The following N4BP2L2 variants were observed in gnomAD, a reference collection of about 807,000 sequenced individuals.
N4BP2L2 encodes NEDD4-binding protein 2-like 2.
Under a neutral mutation model 56.2 loss-of-function variants are expected in N4BP2L2, and 50 were observed. The observed-to-expected ratio is 0.89, with a 90% confidence interval of 0.71 to 1.13. The LOEUF is 1.13. Among genes scored for constraint, N4BP2L2 ranks in the 50% most tolerant of loss-of-function variants. The pLI, the probability that N4BP2L2 is intolerant of heterozygous loss-of-function variation, is 0.00. For synonymous variants in N4BP2L2, 203 were observed against 223.6 expected (o/e 0.91, Z 0.82); for missense variants, 689 against 693.8 (o/e 0.99, Z 0.08).
At chr13:32,437,021 C>T (rs1164554503) in intron 8 of N4BP2L2, among the ~76,000 whole-genome samples, 2 of 151,902 alleles carry the variant, frequency 1.3e-5, no homozygotes, top group African/African-American at 4.8e-5. Context: ...GCTGTGATTA[C>T]AGGCAAGTGC....
chr13:32,447,336 G>C (rs1172416397), intron 6 of N4BP2L2, among the ~76,000 whole-genome samples: 1 of 151,856 alleles, frequency 6.6e-6, no homozygotes, highest in Non-Finnish European at 1.5e-5. Context: ...ATGAGCAATG[G>C]GAAAGCCAGA....
chr13:32,527,647 A>G, intron 2 of N4BP2L2, 115 bp from the exon 3 acceptor site: 15 of 1,199,714 alleles, frequency 1.3e-5, no homozygotes, highest in Non-Finnish European at 1.7e-5. Context: ...AGGTTATTAA[A>G]TGGATTTCTG....
chr13:32,505,487 T>C (rs1019759970), downstream of N4BP2L2: 1 of 152,232 alleles, frequency 6.6e-6, no homozygotes, highest in Non-Finnish European at 1.5e-5. Flanking sequence ...CAGGCTCTGG[T>C]TGCTTTTGGC....
chr13:32,476,806 G>T (rs1444533961), intron 6 of N4BP2L2, among the ~76,000 whole-genome samples: 1 of 152,138 alleles, frequency 6.6e-6, no homozygotes, highest in Non-Finnish European at 1.5e-5. Flanking sequence ...TGACTGTAGG[G>T]AATAAGAAAC....
chr13:32,512,391 T>C (rs1013349171), exon 6 of N4BP2L2: 3 of 152,192 alleles, frequency 2.0e-5, no homozygotes, highest in Admixed American at 6.5e-5. Context: ...TGTGCCTGTG[T>C]CCATCCTACA....
intron 6 of N4BP2L2, among the ~76,000 whole-genome samples, chr13:32,492,409 A>ACTC (rs1849069353): frequency 2.0e-5 from 3 of 150,690 alleles, no homozygotes; most frequent in Non-Finnish European, 4.4e-5. Flanking sequence ...CAGCCTCCCG[A>ACTC]GTAGCTGGGA....
At chr13:32,446,529 T>C (rs1315278775) in intron 6 of N4BP2L2, 1 of 1,296,330 alleles carries the variant, frequency 7.7e-7, no homozygotes, top group East Asian at 5.6e-5. Context: ...GTTGTTGCGT[T>C]ATTCATTCGA....
chr13:32,476,631 T>C (rs1027054261), intron 6 of N4BP2L2, among the ~76,000 whole-genome samples: 3 of 152,082 alleles, frequency 2.0e-5, no homozygotes, highest in Non-Finnish European at 2.9e-5. Flanking sequence ...AAAATACTGA[T>C]ACAAATAAAA....
At chr13:32,468,638 T>C (rs939457940) in intron 6 of N4BP2L2, among the ~76,000 whole-genome samples, 3 of 152,192 alleles carry the variant, frequency 2.0e-5, no homozygotes, top group Admixed American at 6.5e-5. Flanking sequence ...ATAGGCCAAG[T>C]TGGACATCTG....
chr13:32,443,045 T>C, exon 7 of N4BP2L2: 1 of 1,607,688 alleles, frequency 6.2e-7, no homozygotes, highest in East Asian at 2.2e-5. Context: ...AAGTCAAAAT[T>C]TGGTACCAAA....
intron 6 of N4BP2L2, among the ~76,000 whole-genome samples, chr13:32,498,251 G>C (rs1246522578): frequency 6.6e-6 from 1 of 152,178 alleles, no homozygotes; most frequent in Admixed American, 6.5e-5. Flanking sequence ...GGGATTACAG[G>C]CATGAGCCAC....
exon 1 of N4BP2L2, chr13:32,538,773 C>T (rs765061643): frequency 1.9e-4 from 183 of 985,328 alleles, no homozygotes; most frequent in Non-Finnish European, 2.1e-4. Context: ...GGTAACAAAC[C>T]TCACCTCCGT....
intron 2 of N4BP2L2, among the ~76,000 whole-genome samples, chr13:32,532,594 T>C (rs1430301603): frequency 5.4e-5 from 8 of 147,790 alleles, no homozygotes; most frequent in East Asian, 1.9e-4. Context: ...TTTTTTCTTT[T>C]TTTTTTTTTT....
At chr13:32,439,708 G>A (rs1027526976) in intron 7 of N4BP2L2, among the ~76,000 whole-genome samples, 4 of 152,070 alleles carry the variant, frequency 2.6e-5, no homozygotes, top group Middle Eastern at 3.4e-3. Flanking sequence ...GTTAGTAGGC[G>A]GGTAGAAAAA....
intron 6 of N4BP2L2, among the ~76,000 whole-genome samples, chr13:32,494,110 A>G (rs113454537): frequency 0.012 from 1,755 of 151,884 alleles, 42 homozygotes; most frequent in African/African-American, 0.04. Context: ...CATGTCTACT[A>G]AAAATAAAAA....
chr13:32,472,443 T>C (rs1412761021), intron 6 of N4BP2L2, among the ~76,000 whole-genome samples: 1 of 152,204 alleles, frequency 6.6e-6, no homozygotes, highest in East Asian at 1.9e-4. Context: ...ATGCCACTGG[T>C]AAGCATGAAG....
chr13:32,532,013 TCTGA>T (rs1453773667), intron 2 of N4BP2L2, among the ~76,000 whole-genome samples: 2 of 152,342 alleles, frequency 1.3e-5, no homozygotes, highest in Non-Finnish European at 2.9e-5. Flanking sequence ...TTAACCCTTC[TCTGA>T]CTAATTCCTC....
chr13:32,538,255 CT>C (rs1300355225), intron 1 of N4BP2L2, among the ~76,000 whole-genome samples: 9 of 152,022 alleles, frequency 5.9e-5, no homozygotes, highest in Admixed American at 1.3e-4. Flanking sequence ...AGGAAGACAA[CT>C]GCGGAGAACG....
In N4BP2L2 at chr13:32,443,823, GT is replaced by G; in HGVS notation, c.668del (p.Asn223ThrfsTer5). 6.3e-7 allele frequency: 1 copy of G among 1,586,450 alleles called. No homozygotes were observed. The highest frequency in any genetic ancestry group is 8.6e-7 in the Non-Finnish European group (1 of 1,168,322). On this transcript the variant is annotated frameshift_variant, in exon 7 of 10. Coordinates refer to the N4BP2L2 transcript ENST00000357505. LOFTEE classifies it high-confidence loss of function. Reference sequence around the variant, plus strand: ...TGTCTAATTCAACTATAGACATAACGTTTTGGAAACTGTCTTTAGGATCTTT... The same window carrying G: ...TGTCTAATTCAACTATAGACATAACGTTTGGAAACTGTCTTTAGGATCTTT...
Sources: gnomAD v4.1 joint callset for allele counts (sites outside exome capture counted in the v4.1 genomes callset) on GRCh38, gnomAD v4.1.1 for gene constraint, MANE v1.5 for transcripts, NCBI Gene and HGNC (gene_info 2026-07-23, HGNC 2026-07-21) for gene names.